Variants in CHL1 observed in about 807,000 individuals in gnomAD.
The protein encoded by CHL1 is cell adhesion molecule L1 like, also known as neural cell adhesion molecule L1-like protein.
In CHL1, 96 loss-of-function variants were observed where a neutral mutation model predicts 141.9. The observed-to-expected ratio is 0.68, with a 90% confidence interval of 0.57 to 0.80. CHL1 has a LOEUF of 0.80. CHL1 is among the 30% of genes least tolerant of loss of function. The pLI is 0.00. For synonymous variants in CHL1, 613 were observed against 502.2 expected (o/e 1.22, Z -2.95); for missense variants, 1,820 against 1,457.2 (o/e 1.25, Z -4.05).
intron 9 of CHL1, among the ~76,000 whole-genome samples, chr3:348,115 C>CTA (rs1702922888): frequency 6.6e-6 from 1 of 152,026 alleles, no homozygotes; most frequent in Non-Finnish European, 1.5e-5. Context: ...TATTCTAAGA[C>CTA]TATAGAGTTA....
At chr3:361,943 A>G (rs1320007185) in intron 13 of CHL1, 133 bp downstream of exon 13, 1 of 617,400 alleles carries the variant, frequency 1.6e-6, no homozygotes, top group Non-Finnish European at 2.9e-6. Context: ...GACATAAGGT[A>G]ACAAACTTAC....
chr3:343,969 T>G (rs1194651670), intron 8 of CHL1, among the ~76,000 whole-genome samples: 1 of 152,240 alleles, frequency 6.6e-6, no homozygotes, highest in East Asian at 1.9e-4. Flanking sequence ...TTTGCCATTG[T>G]ATTTGAAAAA....
intron 2 of CHL1, among the ~76,000 whole-genome samples, chr3:265,451 G>A (rs1695070524): frequency 6.6e-6 from 1 of 152,136 alleles, no homozygotes; most frequent in East Asian, 1.9e-4. Context: ...AAATAATTGT[G>A]CTGTCTTATT....
chr3:258,375 G>A (rs2125177558), intron 2 of CHL1, among the ~76,000 whole-genome samples: 1 of 152,304 alleles, frequency 6.6e-6, no homozygotes, highest in African/African-American at 2.4e-5. Context: ...GCAATCTGTG[G>A]CCAACATCTA....
Position 200,752 on chromosome 3 carries a change from T to C in CHL1, c.-175+3689T>C, listed in dbSNP as rs181217333. 3.2e-3 allele frequency among the ~76,000 whole-genome samples: 480 copies of C among 152,310 alleles called. 3 individuals carry two copies. Among genetic ancestry groups the C allele is most frequent in the Non-Finnish European group, 2.8e-3 (188 of 67,994 alleles). On this transcript the variant is annotated intron_variant, in intron 1 of 27. Transcript: ENST00000256509. ...TTCTCTGCTATTAAAGTGAAATCTC[T>C]TATATTTTGGTGATCACATGCCTTT...
chr3:268,090 C>T (rs930628816), intron 2 of CHL1, among the ~76,000 whole-genome samples: 31 of 152,092 alleles, frequency 2.0e-4, no homozygotes, highest in African/African-American at 5.3e-4. Flanking sequence ...TGTTTTGCCC[C>T]GACACATGTT....
chr3:228,478 TACACACACACAC>T (rs4003420), intron 1 of CHL1, among the ~76,000 whole-genome samples: 2 of 150,140 alleles, frequency 1.3e-5, no homozygotes, highest in Non-Finnish European at 3.0e-5. Context: ...TAAATATGTG[TACACACACACAC>T]ACACACACAC....
intron 2 of CHL1, chr3:247,136 G>T (rs1329030016): frequency 6.6e-6 from 1 of 151,562 alleles, no homozygotes; most frequent in African/African-American, 2.4e-5. Flanking sequence ...TTCTCTTGGT[G>T]GTCTGTGAAG....
At chr3:265,018 C>T (rs917487467) in intron 2 of CHL1, among the ~76,000 whole-genome samples, 15 of 152,200 alleles carry the variant, frequency 9.9e-5, no homozygotes, top group African/African-American at 3.1e-4. Flanking sequence ...GGACATCAAA[C>T]CTGTCTAATG....
At chr3:315,297 G>A (rs1454947197) in intron 2 of CHL1, among the ~76,000 whole-genome samples, 1 of 152,094 alleles carries the variant, frequency 6.6e-6, no homozygotes, top group Non-Finnish European at 1.5e-5. Flanking sequence ...ATCTAGCAAT[G>A]GTGGCTTTGA....
chr3:254,980 G>A (rs1330975759), intron 2 of CHL1, among the ~76,000 whole-genome samples: 1 of 152,136 alleles, frequency 6.6e-6, no homozygotes, highest in African/African-American at 2.4e-5. Context: ...ATTTCCTATT[G>A]TCCCTACCCT....
Position 382,458 on chromosome 3 carries a change from C to T in CHL1, c.1979-16C>T. The T allele has an allele frequency of 1.9e-6, 3 of 1,603,186 alleles. No individual in the cohort carries two copies. Among genetic ancestry groups the T allele is most frequent in the Non-Finnish European group, 2.6e-6 (3 of 1,170,846 alleles). ...CTCCATACATTCTAATATTTTTTCC[C>T]TGTTTATACTACCAGAGTATATTGT... On this transcript the variant is annotated splice_polypyrimidine_tract_variant and intron_variant, in intron 17 of 27. Transcript: ENST00000256509.
intron 2 of CHL1, among the ~76,000 whole-genome samples, chr3:252,734 G>T (rs141638750): frequency 8.1e-4 from 123 of 152,068 alleles, no homozygotes; most frequent in African/African-American, 2.8e-3. Flanking sequence ...TTAAATGTCT[G>T]ATGGTCTGAT....
intron 16 of CHL1, among the ~76,000 whole-genome samples, chr3:381,506 C>T (rs1335229732): frequency 6.6e-6 from 1 of 152,124 alleles, no homozygotes; most frequent in Non-Finnish European, 1.5e-5. Context: ...TTCAGGAGAG[C>T]AAATGCTATA....
intron 1 of CHL1, among the ~76,000 whole-genome samples, chr3:217,078 C>T (rs371577934): frequency 1.3e-5 from 2 of 152,202 alleles, no homozygotes; most frequent in African/African-American, 4.8e-5. Flanking sequence ...TTTCCCCCAC[C>T]CTTTGGTCCT....
intron 2 of CHL1, among the ~76,000 whole-genome samples, chr3:257,783 G>A (rs1694316301): frequency 6.6e-6 from 1 of 151,962 alleles, no homozygotes; most frequent in African/African-American, 2.4e-5. Flanking sequence ...TTATAGCAGT[G>A]GAGAACATAT....
At chr3:333,547 A>C (rs994513839) in intron 5 of CHL1, among the ~76,000 whole-genome samples, 3 of 152,140 alleles carry the variant, frequency 2.0e-5, no homozygotes, top group Admixed American at 1.3e-4. Flanking sequence ...AGAATGTACC[A>C]TTTTTATATA....
intron 1 of CHL1, among the ~76,000 whole-genome samples, chr3:221,159 A>G (rs1700805421): frequency 1.3e-5 from 2 of 152,162 alleles, no homozygotes; most frequent in South Asian, 4.1e-4. Context: ...GCATTTATTG[A>G]TGTCTTATTT....
intron 2 of CHL1, among the ~76,000 whole-genome samples, chr3:286,195 C>T (rs189998723): frequency 4.2e-4 from 64 of 152,318 alleles, no homozygotes; most frequent in Admixed American, 1.9e-3. Context: ...GCACTTATCA[C>T]AACCCTTAAT....
Sources: gnomAD v4.1 joint callset for allele counts (sites outside exome capture counted in the v4.1 genomes callset) on GRCh38, gnomAD v4.1.1 for gene constraint, MANE v1.5 for transcripts, NCBI Gene and HGNC (gene_info 2026-07-23, HGNC 2026-07-21) for gene names.